Variants in MED14 observed in about 807,000 individuals in gnomAD.
MED14 encodes mediator complex subunit 14, also known as mediator of RNA polymerase II transcription subunit 14.
A neutral mutation model predicts 109.0 loss-of-function variants in MED14; 8 were observed. That is an observed-to-expected ratio of 0.07 (90% CI 0.04 to 0.13). MED14 has a LOEUF of 0.13. MED14 is among the 10% of genes least tolerant of loss of function. The probability of loss-of-function intolerance (pLI) is 1.00; values close to 1 mark genes in which losing one functional copy is unlikely to be tolerated. For synonymous variants in MED14, 399 were observed against 408.7 expected (o/e 0.98, Z 0.29); for missense variants, 711 against 1,142.4 (o/e 0.62, Z 5.44).
At chrX:40,652,011 GC>G in intron 30 of MED14, 132 bp from the exon 31 acceptor site, 1 of 635,495 alleles carries the variant, frequency 1.6e-6, no homozygotes, top group Non-Finnish European at 2.2e-6. Context: ...AATTTTAACT[GC>G]CCAGATTATT....
At chrX:40,728,963 G>A (rs764976281) in intron 2 of MED14, among the ~76,000 whole-genome samples, 3 of 110,560 alleles carry the variant, frequency 2.7e-5, no homozygotes, top group Admixed American at 9.6e-5. Context: ...GACTACAGGC[G>A]CCCGCCACTA....
At position 40,649,867 on chromosome X, in the gene MED14, G is replaced by T. The variant is rs776035986; in HGVS notation, c.*1939C>A. 2.3e-4 allele frequency: 179 copies of T among 772,728 alleles called. No individual in the cohort carries two copies. The African/African-American group carries it at 4.0e-3, about 17-fold the overall frequency. 63.7% of individuals were successfully genotyped at this position (772,728 alleles called of 1,213,427 possible). On this transcript the variant is annotated 3_prime_UTR_variant, in exon 31 of 31. Coordinates refer to ENST00000324817, the MANE Select transcript of MED14 (RefSeq NM_004229.4). The stretch of plus-strand genomic sequence containing the variant: ...ACTGAATCCTATCTTACTCTTGATT[G>T]GCACAATGCATTCAGAGATGAGTTA...
At chrX:40,655,615 T>C (rs1929027478) in intron 28 of MED14, among the ~76,000 whole-genome samples, 1 of 112,551 alleles carries the variant, frequency 8.9e-6, no homozygotes, top group Non-Finnish European at 1.9e-5. Context: ...TTTCCAACTC[T>C]TTGCCTAAAC....
Position 40,680,117 on chromosome X carries a change from T to C in MED14, c.2627A>G (p.Gln876Arg), listed in dbSNP as rs777193613. The C allele has an allele frequency of 3.3e-6, 4 of 1,211,154 alleles. No homozygotes were observed. Among genetic ancestry groups the C allele is most frequent in the Non-Finnish European group, 4.5e-6 (4 of 895,145 alleles). The change falls in exon 21 of 31, where the codon CAG becomes CGG. Residue 876 changes from glutamine to arginine, a missense_variant. Coordinates refer to ENST00000324817, the MANE Select transcript of MED14 (RefSeq NM_004229.4). ...TTTGTTGATGGCATTTAATGGAGCC[T>C]GAGTATCAAACAGTACCTATAAGGA... ...VQLLQVLFDT[Q>R]APLNAINKLP... is the part of the protein sequence containing the mutation.
upstream of MED14, chrX:40,735,598 C>T (rs1427390360): frequency 1.9e-6 from 1 of 516,999 alleles, no homozygotes. Context: ...GTCCGCCGAC[C>T]CCAGGGACAG....
intron 13 of MED14, among the ~76,000 whole-genome samples, chrX:40,695,089 G>C (rs1930676356): frequency 1.8e-5 from 2 of 111,640 alleles, no homozygotes; most frequent in African/African-American, 6.5e-5. Context: ...ATTATGCTGA[G>C]TCAAAGAAAC....
At chrX:40,661,647 A>G (rs1929276700) in intron 26 of MED14, among the ~76,000 whole-genome samples, 1 of 112,484 alleles carries the variant, frequency 8.9e-6, no homozygotes, top group South Asian at 3.6e-4. Flanking sequence ...AACTGTTATC[A>G]GTTAGGTAAA....
In MED14 at chrX:40,654,919, G is replaced by A. The variant is rs1354363981; in HGVS notation, c.4098+16C>T. On this transcript the variant is annotated intron_variant, in intron 29 of 30. Coordinates refer to ENST00000324817, the MANE Select transcript of MED14 (RefSeq NM_004229.4). ...TCAGAAGCTCTGTACATGCACACAT[G>A]CTGGGTGGTACTTACAAAAAATAGC... 1 of 1,203,115 alleles carries A rather than the reference G, an allele frequency of 8.3e-7. No individual in the cohort carries two copies. Among genetic ancestry groups the A allele is most frequent in the South Asian group, 1.8e-5 (1 of 55,795 alleles).
chrX:40,703,372 GA>G, intron 11 of MED14, 71 bp downstream of exon 11: 1 of 969,380 alleles, frequency 1.0e-6, no homozygotes, highest in Non-Finnish European at 1.5e-6. Context: ...CCTAATGACA[GA>G]AAATGTTTAT....
rs746903880 is a variant in MED14 at position 40,671,950 on chromosome X, G to A, written c.3044C>T (p.Thr1015Ile). The A allele has an allele frequency of 8.4e-7, 1 of 1,196,214 alleles. No individual in the cohort carries two copies. The highest frequency in any genetic ancestry group is 2.3e-5 in the Admixed American group (1 of 44,107). Residue 1015 changes from threonine (T) to isoleucine (I), a missense_variant, in exon 23 of 31, where the codon ACA (threonine) becomes ATA (isoleucine). Physicochemically the swap from Thr to Ile is moderately conservative, Grantham distance 89 (BLOSUM62 -1). Coordinates refer to ENST00000324817, the MANE Select transcript of MED14 (RefSeq NM_004229.4). Reference protein sequence around the residue: ...QQQPFPKQPGTSGAYPLTSPP... With the variant: ...QQQPFPKQPGISGAYPLTSPP... Reference sequence around the variant, plus strand: ...TGAAGTAAGAGGATAAGCACCTGATGTTCCTGGCTGCTTTGGAAATGGCTG... The same window carrying A: ...TGAAGTAAGAGGATAAGCACCTGATATTCCTGGCTGCTTTGGAAATGGCTG...
intron 30 of MED14, chrX:40,654,110 G>T (rs1928972241): frequency 3.0e-6 from 1 of 337,669 alleles, no homozygotes; most frequent in Non-Finnish European, 5.1e-6. Context: ...TCTGGCATTA[G>T]CAACTGGGTC....
Position 40,651,743 on chromosome X carries a change from G to C in MED14, c.*63C>G. On this transcript the variant is annotated 3_prime_UTR_variant, in exon 31 of 31. Transcript: ENST00000324817. ...GTCCTTTTCCTTTTTTAAACTGAAG[G>C]CTGAATTCAGATTTTTTTTGTTGTC... The C allele has an allele frequency of 8.9e-7, 1 of 1,124,468 alleles. No homozygotes were observed. The highest frequency in any genetic ancestry group is 2.3e-5 in the South Asian group (1 of 43,190). 92.7% of individuals were successfully genotyped at this position (1,124,468 alleles called of 1,213,427 possible). A position where few individuals can be genotyped will look rare whatever the true frequency, so the allele number is the denominator to read the frequency against.
At chrX:40,707,155 A>ATAGATAGAGG (rs1931182867) in intron 10 of MED14, among the ~76,000 whole-genome samples, 1 of 111,095 alleles carries the variant, frequency 9.0e-6, no homozygotes, top group African/African-American at 3.3e-5. Context: ...ATAGATAGAG[A>ATAGATAGAGG]CCAGCCTGGG....
intron 13 of MED14, 47 bp downstream of exon 13, chrX:40,696,977 A>G: frequency 1.0e-6 from 1 of 1,003,150 alleles, no homozygotes; most frequent in Non-Finnish European, 1.4e-6. Context: ...AGATACTAAC[A>G]GAATTACTAA....
chrX:40,687,419 T>C (rs1930336036), intron 16 of MED14, among the ~76,000 whole-genome samples: 1 of 112,049 alleles, frequency 8.9e-6, no homozygotes, highest in African/African-American at 3.3e-5. Context: ...ATTCTCCATA[T>C]TGCTATCAGG....
rs1435621400 is a variant in MED14, at chrX:40,649,115, T to C, written c.*2691A>G. 1 of 112,353 alleles carries C rather than the reference T, an allele frequency of 8.9e-6. No individual in the cohort carries two copies. The highest frequency in any genetic ancestry group is 1.9e-5 in the Non-Finnish European group (1 of 53,313). 9.3% of individuals were successfully genotyped at this position (112,353 alleles called of 1,213,427 possible). A position where few individuals can be genotyped will look rare whatever the true frequency, so the allele number is the denominator to read the frequency against. On this transcript the variant is annotated 3_prime_UTR_variant, in exon 31 of 31. Coordinates refer to ENST00000324817, the MANE Select transcript of MED14 (RefSeq NM_004229.4). ...ACTATGAAAGGAACAACTTTTTATA[T>C]TGAAATTGCATCAGAATCCAGGGTA...
chrX:40,731,712 T>G (rs1432140554), intron 1 of MED14, among the ~76,000 whole-genome samples: 1 of 112,471 alleles, frequency 8.9e-6, no homozygotes, highest in Admixed American at 9.4e-5. Context: ...ATATTTGTTT[T>G]TTCTTTATGC....
intron 3 of MED14, among the ~76,000 whole-genome samples, chrX:40,717,309 T>C (rs1207944122): frequency 9.1e-6 from 1 of 110,146 alleles, no homozygotes; most frequent in Admixed American, 9.6e-5. Flanking sequence ...AAAAAACCTT[T>C]AGAACAGTGC....
At chrX:40,698,205 T>C (rs1358493414) in intron 12 of MED14, among the ~76,000 whole-genome samples, 1 of 112,488 alleles carries the variant, frequency 8.9e-6, no homozygotes, top group Non-Finnish European at 1.9e-5. Flanking sequence ...GAATGATTTC[T>C]CTAGTATGTA....
Sources: gnomAD v4.1 joint callset for allele counts (sites outside exome capture counted in the v4.1 genomes callset) on GRCh38, gnomAD v4.1.1 for gene constraint, MANE v1.5 for transcripts, NCBI Gene and HGNC (gene_info 2026-07-23, HGNC 2026-07-21) for gene names.